PROCR: variants seen among roughly 807,000 people sequenced by gnomAD.
The protein encoded by PROCR is protein C receptor.
Under a neutral mutation model 24.2 loss-of-function variants are expected in PROCR, and 22 were observed. The ratio of observed to expected loss-of-function variants is 0.91; its 90% CI spans 0.65 to 1.30. The LOEUF (loss-of-function observed/expected upper bound fraction) is 1.30, where lower values mean the gene tolerates loss of function less well. Ranked by LOEUF, PROCR falls within the 50% of genes most tolerant of loss-of-function variation. The pLI is 0.00. For synonymous variants in PROCR, 137 were observed against 139.2 expected, an observed-to-expected ratio of 0.98 and a Z score of 0.11; for missense variants, 288 against 307.7, an observed-to-expected ratio of 0.94 and a Z score of 0.48.
At chr20:35,211,919 G>C (rs993237536) in intron 1 of PROCR, among the ~76,000 whole-genome samples, 2 of 151,968 alleles carry the variant, frequency 1.3e-5, no homozygotes, top group Non-Finnish European at 2.9e-5. Context: ...GGGAGACTGA[G>C]AGCAGGAGAA....
At chr20:35,197,015 T>C (rs2086221770) in intron 1 of PROCR, among the ~76,000 whole-genome samples, 1 of 152,234 alleles carries the variant, frequency 6.6e-6, no homozygotes, top group Non-Finnish European at 1.5e-5. Context: ...ATTGTGATTT[T>C]ACAGATTGAA....
intron 1 of PROCR, among the ~76,000 whole-genome samples, chr20:35,185,534 A>G (rs2086117561): frequency 6.6e-6 from 1 of 152,240 alleles, no homozygotes; most frequent in Non-Finnish European, 1.5e-5. Context: ...GTATATATAT[A>G]TGATGGAGTA....
At chr20:35,211,607 T>C (rs1383244759) in intron 1 of PROCR, among the ~76,000 whole-genome samples, 1 of 152,194 alleles carries the variant, frequency 6.6e-6, no homozygotes, top group Non-Finnish European at 1.5e-5. Flanking sequence ...AACTCCCATG[T>C]GCTAGGTAAT....
rs139714129 is a variant in PROCR at position 35,174,914 on chromosome 20, G to T, written c.283G>T (p.Gly95Cys). The T allele has an allele frequency of 1.2e-6, 2 of 1,600,374 alleles. No homozygotes were observed. The highest frequency in any genetic ancestry group is 1.7e-6 in the Non-Finnish European group (2 of 1,173,772). Residue 95 changes from glycine (G) to cysteine (C), a missense_variant, in exon 2 of 4, where the codon GGC (glycine) becomes TGC (cysteine). Gly to Cys is a radical substitution (Grantham distance 159). Transcript: ENST00000216968. ...GLQSYLLQFH[G>C]LVRLVHQERT... ...GCAGTCCTACCTGCTCCAGTTCCAC[G>T]GCCTCGTGCGCCTGGTGCACCAGGA...
chr20:35,202,856 C>T (rs1037518175), intron 1 of PROCR: 4 of 152,080 alleles, frequency 2.6e-5, no homozygotes, highest in South Asian at 2.1e-4. Context: ...TTTAATATAA[C>T]GGACATTTAT....
intron 1 of PROCR, among the ~76,000 whole-genome samples, chr20:35,200,899 C>T (rs1260471943): frequency 6.6e-6 from 1 of 152,180 alleles, no homozygotes; most frequent in Non-Finnish European, 1.5e-5. Flanking sequence ...CCACCTGCCT[C>T]GGCCTCACAA....
chr20:35,172,118 C>T lies in PROCR; in HGVS notation c.-37C>T, dbSNP rs748732216. ...CAGCCAGCGGAGCCCGCAGCCGGCC[C>T]GAGCCAGGAACCCAGGTCCGGAGCC... is the stretch of plus-strand genomic sequence containing the variant. On this transcript the variant is annotated 5_prime_UTR_variant, in exon 1 of 4. Coordinates refer to ENST00000216968, the MANE Select transcript of PROCR (RefSeq NM_006404.5). The T allele has an allele frequency of 1.2e-6, 2 of 1,610,186 alleles. No homozygotes were observed. The highest frequency in any genetic ancestry group is 2.2e-5 in the East Asian group (1 of 44,852).
At position 35,209,397 on chromosome 20, in the gene PROCR, G is replaced by A. The variant is rs1286927572; in HGVS notation, c.95-6496G>A. Among the ~76,000 whole-genome samples, 4 of 152,288 alleles carry A rather than the reference G, an allele frequency of 2.6e-5. 1 individual carries two copies. Reference sequence around the variant, plus strand: ...GCTTTTTGCAGTTCGGGAATCCCACGAGACATTAAGGTATAGATGTGGAAT... The same window carrying A: ...GCTTTTTGCAGTTCGGGAATCCCACAAGACATTAAGGTATAGATGTGGAAT... On this transcript the variant is annotated intron_variant, in intron 1 of 1. Coordinates refer to the PROCR transcript ENST00000634509.
At chr20:35,174,323 C>T (rs2085982683) in intron 1 of PROCR, 1 of 331,146 alleles carries the variant, frequency 3.0e-6, no homozygotes, top group Non-Finnish European at 5.9e-6. Context: ...AATCCTGAAT[C>T]AGGGCAGTGG....
chr20:35,185,109 A>G (rs1433298675), intron 1 of PROCR, among the ~76,000 whole-genome samples: 1 of 152,192 alleles, frequency 6.6e-6, no homozygotes, highest in Non-Finnish European at 1.5e-5. Context: ...AAGAAGATAT[A>G]CAAATAGCCA....
chr20:35,199,574 C>A (rs1600749738), intron 1 of PROCR, among the ~76,000 whole-genome samples: 1 of 152,064 alleles, frequency 6.6e-6, no homozygotes, highest in East Asian at 1.9e-4. Flanking sequence ...CATAGTGAAA[C>A]CCTGTCTCTA....
chr20:35,175,006 G>GCCTGGCGGGTGGGGGCGGGA (rs2085996433), intron 2 of PROCR, 53 bp downstream of exon 2: 1 of 392,318 alleles, frequency 2.5e-6, no homozygotes, highest in African/African-American at 2.4e-5. Context: ...TGGGGGCGGG[G>GCCTGGCGGGTGGGGGCGGGA]CCTGGCGGGT....
chr20:35,176,864 G>C lies in PROCR; in HGVS notation c.*51G>C, dbSNP rs141265473. The C allele has an allele frequency of 1.0e-4, 160 of 1,594,692 alleles. No individual in the cohort carries two copies. In the African/African-American group the frequency reaches 2.0e-3, roughly 20 times the overall value. On this transcript the variant is annotated 3_prime_UTR_variant, in exon 4 of 4. Coordinates refer to ENST00000216968, the MANE Select transcript of PROCR (RefSeq NM_006404.5). ...GCTGGATTGATGGAGGCTGGCAAGG[G>C]AAAGTTTCAGCTCACTGTGAAGCCA...
chr20:35,176,236 T>C lies in PROCR; in HGVS notation c.391T>C (p.Phe131Leu). 6.2e-7 allele frequency: 1 copy of C among 1,614,172 alleles called. No homozygotes were observed. Among genetic ancestry groups the C allele is most frequent in the South Asian group, 1.1e-5 (1 of 91,084 alleles). ...CGAGGGCTCTAGAGCCCATGTCTTCTTCGAAGTGGCTGTGAATGGGAGCTC... is the reference window on the plus strand; with the variant it reads ...CGAGGGCTCTAGAGCCCATGTCTTCCTCGAAGTGGCTGTGAATGGGAGCTC... ...PPEGSRAHVF[F>L]EVAVNGSSFV... Residue 131 changes from phenylalanine (F) to leucine (L), a missense_variant, in exon 3 of 4, where the codon TTC becomes CTC. Physicochemically the swap from Phe to Leu is conservative, Grantham distance 22. Coordinates refer to ENST00000216968, the MANE Select transcript of PROCR (RefSeq NM_006404.5).
In PROCR at chr20:35,176,739, G is replaced by A. The variant is rs145801152; in HGVS notation, c.643G>A (p.Val215Ile). 4.2e-5 allele frequency: 68 copies of A among 1,613,828 alleles called. No individual in the cohort carries two copies. The African/African-American group carries it at 5.6e-4, about 13-fold the overall frequency. The change falls in exon 4 of 4, where the codon GTC (valine) becomes ATC (isoleucine). Residue 215 changes from valine (V) to isoleucine (I), a missense_variant. Physicochemically the swap from Val to Ile is conservative, Grantham distance 29 (BLOSUM62 3). Transcript: ENST00000216968. The part of the protein sequence containing the change: ...SRSYTSLVLG[V>I]LVGSFIIAGV... ...CTCCTACACTTCGCTGGTCCTGGGC[G>A]TCCTGGTGGGCAGTTTCATCATTGC...
At chr20:35,197,720 G>T (rs1233808977) in intron 1 of PROCR, among the ~76,000 whole-genome samples, 1 of 151,632 alleles carries the variant, frequency 6.6e-6, no homozygotes, top group Non-Finnish European at 1.5e-5. Flanking sequence ...TACTCAGGAG[G>T]CTGAGGCAGG....
chr20:35,209,609 T>C (rs757227362), intron 1 of PROCR, among the ~76,000 whole-genome samples: 9 of 152,114 alleles, frequency 5.9e-5, no homozygotes, highest in Non-Finnish European at 1.2e-4. Context: ...CTGGAAGAGA[T>C]GGAGCTAGCA....
At chr20:35,215,550 A>G (rs2060379303) in intron 1 of PROCR, among the ~76,000 whole-genome samples, 1 of 151,532 alleles carries the variant, frequency 6.6e-6, no homozygotes, top group South Asian at 2.1e-4. Context: ...TACCTTCCAC[A>G]GAGTGGCTTC....
At chr20:35,208,416 C>G (rs989555728) in intron 1 of PROCR, among the ~76,000 whole-genome samples, 1 of 152,158 alleles carries the variant, frequency 6.6e-6, no homozygotes, top group Non-Finnish European at 1.5e-5. Flanking sequence ...CAGTGAAGCC[C>G]TTTTACATCT....
Sources: allele counts gnomAD v4.1 joint callset (sites outside exome capture counted in the v4.1 genomes callset), GRCh38; gene constraint gnomAD v4.1.1; transcripts MANE v1.5; gene names NCBI Gene and HGNC (gene_info 2026-07-23, HGNC 2026-07-21).